Variants in NAALADL2 observed in about 807,000 individuals in gnomAD.
NAALADL2 encodes the protein N-acetylated alpha-linked acidic dipeptidase like 2, also known as inactive N-acetylated-alpha-linked acidic dipeptidase-like protein 2.
NAALADL2 carries 76 observed loss-of-function variants against 87.2 expected under a neutral mutation model. The ratio of observed to expected loss-of-function variants is 0.87; its 90% CI spans 0.72 to 1.05. NAALADL2 has a LOEUF of 1.05. Ranked by LOEUF, NAALADL2 falls within the 50% of genes least tolerant of loss-of-function variation. The probability of loss-of-function intolerance (pLI) is 0.00; values close to 1 mark genes in which losing one functional copy is unlikely to be tolerated. For synonymous variants in NAALADL2, 354 were observed against 331.0 expected, an observed-to-expected ratio of 1.07 and a Z score of -0.75; for missense variants, 1,089 against 945.8, an observed-to-expected ratio of 1.15 and a Z score of -1.99.
At chr3:175,471,485 A>G (rs568251520) in intron 8 of NAALADL2, among the ~76,000 whole-genome samples, 154 bp from the exon 9 acceptor site, 229 of 113,864 alleles carry the variant, frequency 2.0e-3, no homozygotes, top group Middle Eastern at 8.8e-3. Context: ...AAAAAAAAAA[A>G]AAAGAAAGAA....
At chr3:175,719,198 T>A (rs537019447) in intron 11 of NAALADL2, among the ~76,000 whole-genome samples, 1 of 150,432 alleles carries the variant, frequency 6.6e-6, no homozygotes, top group South Asian at 2.1e-4. Context: ...CTTTTGGTTG[T>A]CACAAATGTG....
chr3:175,648,972 A>C (rs1271476444), intron 11 of NAALADL2, among the ~76,000 whole-genome samples: 1 of 152,184 alleles, frequency 6.6e-6, no homozygotes, highest in Non-Finnish European at 1.5e-5. Context: ...ATGCTGGTGA[A>C]TATATCTGTC....
At chr3:174,794,639 C>T (rs1214924578) in intron 3 of NAALADL2, among the ~76,000 whole-genome samples, 2 of 152,098 alleles carry the variant, frequency 1.3e-5, no homozygotes, top group Non-Finnish European at 2.9e-5. Flanking sequence ...CACTACGGCT[C>T]TTCCCATGTG....
At chr3:175,444,127 G>A (rs2149212487) in intron 5 of NAALADL2, among the ~76,000 whole-genome samples, 1 of 152,288 alleles carries the variant, frequency 6.6e-6, no homozygotes, top group South Asian at 2.1e-4. Context: ...GGATCATGAA[G>A]GGCTTTGAAT....
chr3:175,708,599 G>A (rs73171447), intron 11 of NAALADL2, among the ~76,000 whole-genome samples: 5,949 of 138,828 alleles, frequency 0.043, 159 homozygotes, highest in South Asian at 0.07. Context: ...CATGAACTAG[G>A]ATGAGAAAAA....
At chr3:175,530,973 G>A (rs1326625711) in intron 9 of NAALADL2, among the ~76,000 whole-genome samples, 1 of 152,032 alleles carries the variant, frequency 6.6e-6, no homozygotes, top group African/African-American at 2.4e-5. Flanking sequence ...AAGATGGCAG[G>A]GCCTTACTCC....
At chr3:174,765,645 T>C (rs1012788263) in intron 3 of NAALADL2, among the ~76,000 whole-genome samples, 4 of 152,120 alleles carry the variant, frequency 2.6e-5, no homozygotes, top group Non-Finnish European at 4.4e-5. Context: ...ATCCTTGTTA[T>C]TTATTTTTTG....
At chr3:174,600,801 C>G (rs933609360) in intron 2 of NAALADL2, among the ~76,000 whole-genome samples, 4 of 152,144 alleles carry the variant, frequency 2.6e-5, no homozygotes, top group East Asian at 3.9e-4. Flanking sequence ...TTTAAACAAC[C>G]AGATCTCCTG....
intron 5 of NAALADL2, among the ~76,000 whole-genome samples, chr3:175,421,151 CT>C (rs755477652): frequency 4.3e-4 from 66 of 152,018 alleles, no homozygotes; most frequent in Admixed American, 7.9e-4. Flanking sequence ...TATATTGTTA[CT>C]GCTTGAGACC....
intron 2 of NAALADL2, among the ~76,000 whole-genome samples, chr3:174,691,051 A>G (rs1728526760): frequency 6.6e-6 from 1 of 152,142 alleles, no homozygotes; most frequent in Non-Finnish European, 1.5e-5. Flanking sequence ...TATGCTATAT[A>G]CCCATCTACT....
chr3:175,141,278 T>A (rs1335455686), intron 2 of NAALADL2, among the ~76,000 whole-genome samples: 1 of 152,128 alleles, frequency 6.6e-6, no homozygotes, highest in Non-Finnish European at 1.5e-5. Context: ...AGAATGTTCA[T>A]AGCTCCTTTT....
intron 2 of NAALADL2, among the ~76,000 whole-genome samples, chr3:174,724,541 G>C (rs1732006474): frequency 6.6e-6 from 1 of 152,024 alleles, no homozygotes; most frequent in Non-Finnish European, 1.5e-5. Flanking sequence ...AAATATTTGA[G>C]TTTTGAAATA....
intron 11 of NAALADL2, among the ~76,000 whole-genome samples, chr3:175,687,370 A>G (rs1736441776): frequency 1.3e-5 from 2 of 152,204 alleles, no homozygotes; most frequent in Admixed American, 1.3e-4. Flanking sequence ...GTTGTGGCCC[A>G]GAGTAATCAA....
intron 9 of NAALADL2, among the ~76,000 whole-genome samples, chr3:175,533,305 C>T (rs1480511426): frequency 6.6e-6 from 1 of 152,226 alleles, no homozygotes; most frequent in Non-Finnish European, 1.5e-5. Flanking sequence ...TCATGGGTCA[C>T]ACAATCACCC....
intron 1 of NAALADL2, among the ~76,000 whole-genome samples, chr3:174,999,305 T>C (rs985725958): frequency 2.0e-5 from 3 of 151,296 alleles, no homozygotes; most frequent in Non-Finnish European, 4.4e-5. Flanking sequence ...TGATAGCAGC[T>C]AATAGGGGGA....
At chr3:175,762,370 A>T (rs994138387) in intron 13 of NAALADL2, among the ~76,000 whole-genome samples, 4 of 152,110 alleles carry the variant, frequency 2.6e-5, no homozygotes, top group African/African-American at 9.7e-5. Context: ...ATACCAAATA[A>T]CAATGATATT....
chr3:175,364,727 A>G (rs1256982517), intron 5 of NAALADL2, among the ~76,000 whole-genome samples: 1 of 147,472 alleles, frequency 6.8e-6, no homozygotes, highest in African/African-American at 2.5e-5. Flanking sequence ...TGAGTCAAGT[A>G]TAAAATGGCA....
In NAALADL2 at chr3:174,712,237, T is replaced by G. The variant is rs142490324; in HGVS notation, c.-114-25404T>G. Among the ~76,000 whole-genome samples the G allele has an allele frequency of 2.6e-3, 397 of 152,258 alleles. 1 individual carries two copies. The highest frequency in any genetic ancestry group is 8.9e-3 in the African/African-American group (368 of 41,542). On this transcript the variant is annotated intron_variant, in intron 2 of 3. Coordinates refer to the NAALADL2 transcript ENST00000434257. ...AGAACCTAGATTTGTCTGAATGGTA[T>G]CTTGATAGATTATTTAATAATTTCT...
chr3:175,026,289 A>G (rs78061539), intron 1 of NAALADL2, among the ~76,000 whole-genome samples: 2,607 of 152,076 alleles, frequency 0.017, 37 homozygotes, highest in South Asian at 0.03. Flanking sequence ...GAGACTAGTA[A>G]AATGTTTGAA....
Sources: gnomAD v4.1 joint callset for allele counts (sites outside exome capture counted in the v4.1 genomes callset) on GRCh38, gnomAD v4.1.1 for gene constraint, MANE v1.5 for transcripts, NCBI Gene and HGNC (gene_info 2026-07-23, HGNC 2026-07-21) for gene names.